Variants in TENM2 observed in about 807,000 individuals in gnomAD.
TENM2 encodes teneurin-2.
Under a neutral mutation model 245.2 loss-of-function variants are expected in TENM2, and 52 were observed. That is an observed-to-expected ratio of 0.21 (90% CI 0.17 to 0.27). The LOEUF (loss-of-function observed/expected upper bound fraction) is 0.27. Ranked by LOEUF, TENM2 falls within the 10% of genes least tolerant of loss-of-function variation. The pLI, the probability that TENM2 is intolerant of heterozygous loss-of-function variation, is 1.00. For missense variants in TENM2, 3,046 were observed against 3,666.8 expected (o/e 0.83, Z 4.37); for synonymous variants, 1,363 against 1,438.9 (o/e 0.95, Z 1.19).
intron 1 of TENM2, among the ~76,000 whole-genome samples, chr5:167,346,426 CA>C (rs1464205616): frequency 2.0e-5 from 3 of 152,166 alleles, no homozygotes; most frequent in Non-Finnish European, 4.4e-5. Flanking sequence ...TATTAATAAA[CA>C]TATGATTTAT....
chr5:167,870,495 G>C (rs187551671), intron 2 of TENM2, among the ~76,000 whole-genome samples: 58 of 151,380 alleles, frequency 3.8e-4, no homozygotes, highest in African/African-American at 1.4e-3. Context: ...ACCTGTAAAT[G>C]GGGAAGACAG....
intron 13 of TENM2, among the ~76,000 whole-genome samples, chr5:168,178,506 C>G (rs1759556380): frequency 6.6e-6 from 1 of 152,094 alleles, no homozygotes. Context: ...AAACGTGGCT[C>G]TAGGCTAACA....
intron 2 of TENM2, among the ~76,000 whole-genome samples, chr5:167,707,355 C>T (rs964827546): frequency 2.0e-5 from 3 of 152,068 alleles, no homozygotes; most frequent in African/African-American, 7.2e-5. Flanking sequence ...CTAATATTTT[C>T]TTCCATTCCA....
intron 19 of TENM2, among the ~76,000 whole-genome samples, chr5:168,208,449 C>G (rs975923893): frequency 1.3e-5 from 2 of 152,100 alleles, no homozygotes; most frequent in Non-Finnish European, 2.9e-5. Context: ...ATGTTAGTAC[C>G]GGGCGGGGGG....
At chr5:167,535,991 A>G (rs1440317459) in intron 2 of TENM2, among the ~76,000 whole-genome samples, 2 of 152,144 alleles carry the variant, frequency 1.3e-5, no homozygotes, top group African/African-American at 4.8e-5. Context: ...AGCAGTCTAC[A>G]TGGTTGCATC....
intron 2 of TENM2, among the ~76,000 whole-genome samples, chr5:167,430,030 T>C (rs1352636095): frequency 6.6e-6 from 1 of 151,720 alleles, no homozygotes; most frequent in South Asian, 2.1e-4. Context: ...AGGGAATGAG[T>C]GGCTGAGGTG....
intron 2 of TENM2, among the ~76,000 whole-genome samples, chr5:167,514,142 G>T (rs533811947): frequency 6.6e-6 from 1 of 152,116 alleles, no homozygotes; most frequent in South Asian, 2.1e-4. Context: ...TTACAGAATC[G>T]CAATATTCCC....
intron 2 of TENM2, among the ~76,000 whole-genome samples, chr5:167,547,228 G>A (rs1292425038): frequency 6.6e-6 from 1 of 152,184 alleles, no homozygotes; most frequent in African/African-American, 2.4e-5. Context: ...TCGGATTACA[G>A]GCACGTGCCA....
At chr5:167,652,929 A>G (rs1754575338) in intron 2 of TENM2, among the ~76,000 whole-genome samples, 1 of 152,210 alleles carries the variant, frequency 6.6e-6, no homozygotes, top group Non-Finnish European at 1.5e-5. Flanking sequence ...GCTATGTGAT[A>G]AAGTCTCAAC....
chr5:167,891,078 T>C (rs1249585185), intron 3 of TENM2, among the ~76,000 whole-genome samples: 1 of 152,234 alleles, frequency 6.6e-6, no homozygotes, highest in Non-Finnish European at 1.5e-5. Context: ...TAATGTACTC[T>C]ATGTTTTGTA....
intron 2 of TENM2, among the ~76,000 whole-genome samples, chr5:167,412,626 G>C (rs1762966307): frequency 6.6e-6 from 1 of 152,116 alleles, no homozygotes; most frequent in African/African-American, 2.4e-5. Flanking sequence ...CCTTGAATCA[G>C]TAATCAAGGA....
the TENM2 span, among the ~76,000 whole-genome samples, chr5:167,075,198 T>TAG: frequency 1.6e-4 from 24 of 149,294 alleles, no homozygotes; most frequent in East Asian, 7.9e-4. Flanking sequence ...ACTGCAGAGT[T>TAG]AGAGAGAGAG....
chr5:167,360,841 T>C (rs1435852818), intron 1 of TENM2, among the ~76,000 whole-genome samples: 2 of 152,192 alleles, frequency 1.3e-5, no homozygotes, highest in African/African-American at 4.8e-5. Flanking sequence ...GAGTGCGTAC[T>C]ATCAAACCAT....
chr5:167,985,835 A>C (rs898358124), intron 4 of TENM2, among the ~76,000 whole-genome samples: 85 of 152,344 alleles, frequency 5.6e-4, no homozygotes, highest in African/African-American at 1.9e-3. Context: ...GTTAATGACT[A>C]AGTTTACTTG....
At chr5:167,520,958 G>T (rs1770713895) in intron 2 of TENM2, among the ~76,000 whole-genome samples, 3 of 142,540 alleles carry the variant, frequency 2.1e-5, no homozygotes. Flanking sequence ...TTGGTGCCAG[G>T]TCATGTTTAC....
At chr5:167,344,749 G>A (rs899630330) in intron 1 of TENM2, among the ~76,000 whole-genome samples, 5 of 152,102 alleles carry the variant, frequency 3.3e-5, no homozygotes, top group African/African-American at 1.2e-4. Flanking sequence ...ATGGAAGCTA[G>A]GGCACACCAG....
In TENM2 at chr5:168,008,530, G is replaced by A. The variant is rs778571497; in HGVS notation, c.1186+15348G>A. On this transcript the variant is annotated intron_variant, in intron 5 of 28. Transcript: ENST00000518659. ...CAGGATAGATTGGGAGATGGGACAGGAGACAGGGAGACTCCTCTGAAGGCC... is the reference window on the plus strand; with the variant it reads ...CAGGATAGATTGGGAGATGGGACAGAAGACAGGGAGACTCCTCTGAAGGCC... 1.4e-3 allele frequency among the ~76,000 whole-genome samples: 207 copies of A among 152,262 alleles called. 2 individuals carry two copies. The highest frequency in any genetic ancestry group is 1.5e-3 in the Non-Finnish European group (105 of 68,024).
intron 4 of TENM2, among the ~76,000 whole-genome samples, chr5:167,970,909 G>A (rs892247252): frequency 2.0e-5 from 3 of 151,862 alleles, no homozygotes; most frequent in African/African-American, 4.8e-5. Flanking sequence ...CGTGTGTGTG[G>A]TGGCACTGGG....
intron 1 of TENM2, among the ~76,000 whole-genome samples, chr5:167,329,551 CAAAAAAAAAA>C (rs34165505): frequency 3.2e-4 from 7 of 21,946 alleles, no homozygotes; most frequent in South Asian, 5.2e-3. Flanking sequence ...GACTCAGTCT[CAAAAAAAAAA>C]AAAAAAAAAA....
Sources: allele counts gnomAD v4.1 joint callset (sites outside exome capture counted in the v4.1 genomes callset), GRCh38; gene constraint gnomAD v4.1.1; transcripts MANE v1.5; gene names NCBI Gene and HGNC (gene_info 2026-07-23, HGNC 2026-07-21).